Variants in MPP2 observed in about 807,000 individuals in gnomAD.
MPP2 encodes the protein MAGUK p55 scaffold protein 2.
MPP2 carries 42 observed loss-of-function variants against 58.5 expected under a neutral mutation model. That is an observed-to-expected ratio of 0.72 (90% confidence interval 0.56 to 0.93). The LOEUF (loss-of-function observed/expected upper bound fraction) is 0.93, where lower values mean the gene tolerates loss of function less well. Among genes scored for constraint, MPP2 ranks in the 40% least tolerant of loss-of-function variants. The pLI, the probability that MPP2 is intolerant of heterozygous loss-of-function variation, is 0.00. For missense variants in MPP2, 632 were observed against 760.4 expected (o/e 0.83, Z 1.99); for synonymous variants, 300 against 307.8 (o/e 0.97, Z 0.26).
At chr17:43,905,915 T>C (rs1362665939) in intron 1 of MPP2, among the ~76,000 whole-genome samples, 1 of 152,084 alleles carries the variant, frequency 6.6e-6, no homozygotes, top group African/African-American at 2.4e-5. Flanking sequence ...GGACATGGAA[T>C]AAAGGTGCTT....
chr17:43,883,390 C>A lies in MPP2; in HGVS notation c.151-35G>T. The A allele has an allele frequency of 1.9e-6, 3 of 1,595,546 alleles. No individual in the cohort carries two copies. In the South Asian group the frequency reaches 3.3e-5, roughly 18 times the overall value. On this transcript the variant is annotated intron_variant, in intron 3 of 12. Transcript: ENST00000269095. The stretch of plus-strand genomic sequence containing the variant: ...GAAGCAGAACAGGTGGGGCTAGGAG[C>A]TTCCCCAGGAGCCCTGGGACACCAA...
At chr17:43,907,765 G>T (rs538676027), upstream of MPP2, 270 of 985,502 alleles carry the variant, frequency 2.7e-4, no homozygotes, top group South Asian at 4.7e-3. Flanking sequence ...GGCAGGACTG[G>T]TACCAGTACC....
At position 43,883,028 on chromosome 17, in the gene MPP2, C is replaced by T; in HGVS notation, c.328G>A (p.Val110Met). Residue 110 changes from valine (V) to methionine (M), a missense_variant, in exon 5 of 13, where the codon GTG becomes ATG. Transcript: ENST00000269095. Reference sequence around the variant, plus strand: ...GGTGTCTCATAGGTCTTTGAGGCCACAGAGTCGTGCGTCTCCAGGAGGGAC... The same window carrying T: ...GGTGTCTCATAGGTCTTTGAGGCCATAGAGTCGTGCGTCTCCAGGAGGGAC... Reference protein sequence around the residue: ...FQSLLETHDSVASKTYETPPP... With the variant: ...FQSLLETHDSMASKTYETPPP... The T allele has an allele frequency of 1.2e-6, 2 of 1,613,812 alleles. No homozygotes were observed. The highest frequency in any genetic ancestry group is 1.7e-6 in the Non-Finnish European group (2 of 1,179,886).
At chr17:43,891,513 TC>T (rs1405088411) in intron 3 of MPP2, among the ~76,000 whole-genome samples, 1 of 144,862 alleles carries the variant, frequency 6.9e-6, no homozygotes, top group Non-Finnish European at 1.5e-5. Context: ...AGACTCCGTC[TC>T]AAAAAAAAAA....
At chr17:43,896,698 C>T (rs919587727) in intron 3 of MPP2, among the ~76,000 whole-genome samples, 26 of 152,242 alleles carry the variant, frequency 1.7e-4, no homozygotes, top group African/African-American at 6.0e-4. Context: ...CCTGGGAAAT[C>T]GGGCACCTGA....
intron 3 of MPP2, among the ~76,000 whole-genome samples, chr17:43,886,245 T>C (rs145632984): frequency 6.6e-6 from 1 of 152,258 alleles, no homozygotes; most frequent in Admixed American, 6.5e-5. Flanking sequence ...GTCATAGAAA[T>C]CACTCCATGA....
intron 3 of MPP2, 37 bp from the exon 4 acceptor site, chr17:43,883,392 TC>T: frequency 6.3e-7 from 1 of 1,592,980 alleles, no homozygotes. Flanking sequence ...GCTAGGAGCT[TC>T]CCCAGGAGCC....
chr17:43,908,084 C>T (rs952439424), upstream of MPP2: 1 of 568,202 alleles, frequency 1.8e-6, no homozygotes, highest in African/African-American at 2.0e-5. Context: ...GAGGAAATGT[C>T]TTCCTGAAAG....
chr17:43,909,399 T>TC, upstream of MPP2: 1 of 455,212 alleles, frequency 2.2e-6, no homozygotes, highest in Non-Finnish European at 3.7e-6. Flanking sequence ...CAGGAAGAGT[T>TC]CCCCTTTCCA....
rs974958113 is a variant in MPP2, at chr17:43,880,956, G to C, written c.989-104C>G. 1.3e-6 allele frequency: 2 copies of C among 1,527,154 alleles called. No individual in the cohort carries two copies. The highest frequency in any genetic ancestry group is 2.7e-5 in the African/African-American group (2 of 73,114). 94.6% of individuals were successfully genotyped at this position (1,527,154 alleles called of 1,614,324 possible). A position where few individuals can be genotyped will look rare whatever the true frequency, so the allele number is the denominator to read the frequency against. On this transcript the variant is annotated intron_variant, in intron 9 of 12. Transcript: ENST00000269095. The surrounding 1 kb of genome is among the most constrained non-coding windows in gnomAD (Gnocchi z 5.2). The stretch of plus-strand genomic sequence containing the variant: ...GAGGGCTTGGAACAGGGGAGCAGGG[G>C]GGAGTCGGGCAGGGCCTAGGGACAC...
intron 2 of MPP2, chr17:43,900,481 G>C: frequency 6.5e-7 from 1 of 1,549,234 alleles, no homozygotes; most frequent in African/African-American, 1.4e-5. Context: ...CTTCCCTCTG[G>C]AGCTCCGCTT....
rs745963020 is a variant in MPP2, at chr17:43,877,844, G to A, written c.1622C>T (p.Thr541Ile). Residue 541 changes from threonine (T) to isoleucine (I), a missense_variant, in exon 13 of 13, where the codon ACA (threonine) becomes ATA (isoleucine). Physicochemically the swap from Thr to Ile is moderately conservative, Grantham distance 89. Coordinates refer to ENST00000269095, the MANE Select transcript of MPP2 (RefSeq NM_005374.5). ...ELQTAMEKLR[T>I]EPQWVPVSWV... ...GCTGACAGGCACCCACTGGGGCTCT[G>A]TCCGTAGCTTCTCCATGGCTGTCTG... 2.5e-6 allele frequency: 4 copies of A among 1,613,920 alleles called. No homozygotes were observed. In the South Asian group the frequency reaches 4.4e-5, roughly 18 times the overall value.
Position 43,879,993 on chromosome 17 carries a change from A to G in MPP2, c.1151-9T>C, listed in dbSNP as rs756408931. On this transcript the variant is annotated splice_polypyrimidine_tract_variant and intron_variant, in intron 10 of 12. Transcript: ENST00000269095. The surrounding 1 kb of genome is among the most constrained non-coding windows in gnomAD (Gnocchi z 4.1). ...CGGCCGCCGGGAGGTGTCTAGGGGG[A>G]TGGGGGTAGGTTGGACCAAATGGGC... The G allele has an allele frequency of 6.2e-7, 1 of 1,613,580 alleles. No homozygotes were observed. Among genetic ancestry groups the G allele is most frequent in the Non-Finnish European group, 8.5e-7 (1 of 1,179,794 alleles).
Position 43,879,336 on chromosome 17 carries a change from T to G in MPP2, c.1421A>C (p.Glu474Ala). The G allele has an allele frequency of 2.5e-6, 4 of 1,614,126 alleles. No individual in the cohort carries two copies. The highest frequency in any genetic ancestry group is 3.4e-6 in the Non-Finnish European group (4 of 1,180,008). ...AGCCCTGTTCATGGCCCGCAGGGTC[T>G]CGAAGTCTGGGGCCTCGATGAACAC... ...YVVFIEAPDF[E>A]TLRAMNRAAL... is the part of the protein sequence containing the mutation. Residue 474 changes from glutamate to alanine, a missense_variant, in exon 12 of 13, where the codon GAG becomes GCG. Coordinates refer to ENST00000269095, the MANE Select transcript of MPP2 (RefSeq NM_005374.5). This position sits in a 1 kb window ranked among gnomAD's most constrained non-coding sequence, Gnocchi z 4.1.
chr17:43,904,652 G>A (rs1453946046), intron 1 of MPP2, among the ~76,000 whole-genome samples, 159 bp from the exon 2 acceptor site: 1 of 152,206 alleles, frequency 6.6e-6, no homozygotes, highest in Non-Finnish European at 1.5e-5. Flanking sequence ...ACGGTCCTGG[G>A]AAGCAGGAAG....
intron 3 of MPP2, among the ~76,000 whole-genome samples, chr17:43,885,617 A>G (rs534832054): frequency 6.6e-6 from 1 of 152,298 alleles, no homozygotes; most frequent in South Asian, 2.1e-4. Flanking sequence ...TTATTTCCCA[A>G]TAACATCAGT....
chr17:43,908,258 A>G (rs2048363364), upstream of MPP2, among the ~76,000 whole-genome samples: 1 of 152,116 alleles, frequency 6.6e-6, no homozygotes, highest in Non-Finnish European at 1.5e-5. Flanking sequence ...GCTCCACCCC[A>G]CATCTGCTAG....
At chr17:43,884,940 G>C (rs1326372285) in intron 3 of MPP2, among the ~76,000 whole-genome samples, 4 of 152,086 alleles carry the variant, frequency 2.6e-5, no homozygotes, top group African/African-American at 7.2e-5. Context: ...GGCCAACATG[G>C]TGAAACCCCG....
intron 2 of MPP2, 119 bp from the exon 3 acceptor site, chr17:43,898,499 G>GGCAACATTCCCCTCCCCA (rs55874816): frequency 0.84 from 510,683 of 608,378 alleles, 217,998 homozygotes; most frequent in East Asian, 1. Flanking sequence ...GCCCCTCCCC[G>GGCAACATTCCCCTCCCCA]GCAACATTCC....
Sources: gnomAD v4.1 joint callset for allele counts (sites outside exome capture counted in the v4.1 genomes callset) on GRCh38, gnomAD v4.1.1 for gene constraint, Gnocchi (gnomAD v3.1) non-coding constraint, MANE v1.5 for transcripts, NCBI Gene and HGNC (gene_info 2026-07-23, HGNC 2026-07-21) for gene names.